The following ARB2A variants were observed in gnomAD, a reference collection of about 807,000 sequenced individuals.
ARB2A encodes the protein ARB2 cotranscriptional regulator A, also known as cotranscriptional regulator ARB2A.
chr5:93,799,009 TTTC>T, the ARB2A span, among the ~76,000 whole-genome samples: 1 of 152,256 alleles, frequency 6.6e-6, no homozygotes, highest in African/African-American at 2.4e-5. Flanking sequence ...GTCAAACTGG[TTTC>T]TTCATGTAGA....
the ARB2A span, among the ~76,000 whole-genome samples, chr5:93,761,591 A>C: frequency 6.6e-6 from 1 of 152,218 alleles, no homozygotes; most frequent in Admixed American, 6.5e-5. Context: ...ACCTCAGCTC[A>C]AGGAGGCCTG....
At chr5:94,106,195 A>C in the ARB2A span, among the ~76,000 whole-genome samples, 36 of 152,242 alleles carry the variant, frequency 2.4e-4, no homozygotes, top group African/African-American at 8.7e-4. Flanking sequence ...GTAAACAGAC[A>C]ACCTACAGAA....
chr5:93,620,089 G>A, the ARB2A span: 3 of 152,170 alleles, frequency 2.0e-5, no homozygotes, highest in African/African-American at 7.2e-5. Context: ...CAAAACTTAA[G>A]TGTGTTATAT....
At chr5:94,046,072 G>C in the ARB2A span, among the ~76,000 whole-genome samples, 2 of 152,096 alleles carry the variant, frequency 1.3e-5, no homozygotes, top group African/African-American at 2.4e-5. Context: ...ATTTCAAAGG[G>C]AGAAAACAGT....
the ARB2A span, among the ~76,000 whole-genome samples, chr5:93,658,700 T>A: frequency 2.0e-5 from 3 of 152,128 alleles, no homozygotes; most frequent in African/African-American, 4.8e-5. Flanking sequence ...TGAGCTTATA[T>A]GTTTTTGCTT....
the ARB2A span, among the ~76,000 whole-genome samples, chr5:93,841,379 T>C: frequency 1.3e-5 from 2 of 152,136 alleles, no homozygotes; most frequent in African/African-American, 4.8e-5. Context: ...GCATTTACAA[T>C]ATATTAGGTA....
At chr5:93,769,168 C>T in the ARB2A span, among the ~76,000 whole-genome samples, 199 of 152,024 alleles carry the variant, frequency 1.3e-3, no homozygotes, top group African/African-American at 4.1e-3. Context: ...ATTAAATAAG[C>T]GTGTATGTTT....
chr5:93,762,230 G>C, the ARB2A span, among the ~76,000 whole-genome samples: 7 of 152,172 alleles, frequency 4.6e-5, no homozygotes, highest in African/African-American at 1.7e-4. Context: ...AGAGAAGAAG[G>C]CTTCAGACGA....
chr5:93,659,547 A>C, the ARB2A span, among the ~76,000 whole-genome samples: 1 of 152,148 alleles, frequency 6.6e-6, no homozygotes. Context: ...ACAGAAAAAA[A>C]TTTGAAAAAG....
the ARB2A span, among the ~76,000 whole-genome samples, chr5:93,718,593 G>A: frequency 1.3e-5 from 2 of 152,114 alleles, no homozygotes; most frequent in Non-Finnish European, 2.9e-5. Flanking sequence ...TACATTAACA[G>A]TCATACATAA....
chr5:94,105,768 GA>G, the ARB2A span, among the ~76,000 whole-genome samples: 215 of 129,852 alleles, frequency 1.7e-3, no homozygotes, highest in African/African-American at 3.5e-3. Context: ...CATGGTACTG[GA>G]AAAAAAAAAA....
chr5:93,925,392 T>C, the ARB2A span, among the ~76,000 whole-genome samples: 1 of 152,172 alleles, frequency 6.6e-6, no homozygotes, highest in Non-Finnish European at 1.5e-5. Context: ...AAACAAAACA[T>C]GTCAGAATGA....
the ARB2A span, among the ~76,000 whole-genome samples, chr5:93,908,510 A>G: frequency 6.6e-6 from 1 of 150,800 alleles, no homozygotes; most frequent in East Asian, 1.9e-4. Context: ...AAAGTATTAG[A>G]TAATACAATG....
At chr5:93,808,398 A>T in the ARB2A span, among the ~76,000 whole-genome samples, 1 of 148,488 alleles carries the variant, frequency 6.7e-6, no homozygotes, top group East Asian at 2.0e-4. Context: ...ACAGGAAATA[A>T]TCTAAAAAAA....
At chr5:93,998,451 C>G in the ARB2A span, among the ~76,000 whole-genome samples, 1 of 151,878 alleles carries the variant, frequency 6.6e-6, no homozygotes, top group Non-Finnish European at 1.5e-5. Context: ...TGGCTCATGT[C>G]AGATATATTT....
chr5:93,636,353 A>G, the ARB2A span, among the ~76,000 whole-genome samples: 1 of 152,222 alleles, frequency 6.6e-6, no homozygotes, highest in Non-Finnish European at 1.5e-5. Flanking sequence ...CTCAGAATTC[A>G]TATGTTGAAA....
chr5:93,982,776 A>G, the ARB2A span, among the ~76,000 whole-genome samples: 1 of 152,166 alleles, frequency 6.6e-6, no homozygotes, highest in African/African-American at 2.4e-5. Context: ...TAAAAAGGGA[A>G]GGGCACAGTG....
the ARB2A span, among the ~76,000 whole-genome samples, chr5:94,030,653 T>A: frequency 1.3e-5 from 2 of 152,230 alleles, no homozygotes; most frequent in South Asian, 2.1e-4. Flanking sequence ...TATGGTTTGG[T>A]TGTAATTTGT....
the ARB2A span, among the ~76,000 whole-genome samples, chr5:94,022,955 C>A: frequency 6.6e-6 from 1 of 152,196 alleles, no homozygotes; most frequent in Admixed American, 6.5e-5. Context: ...AAGGAGGATA[C>A]AAGTATGACC....
Sources: allele counts gnomAD v4.1 joint callset (sites outside exome capture counted in the v4.1 genomes callset), GRCh38; gene constraint gnomAD v4.1.1; transcripts MANE v1.5; gene names NCBI Gene and HGNC (gene_info 2026-07-23, HGNC 2026-07-21).